EXOC6: variants seen among roughly 807,000 people sequenced by gnomAD.
EXOC6 encodes the protein SEC15-like 1.
EXOC6 carries 60 observed loss-of-function variants against 112.5 expected under a neutral mutation model. The observed-to-expected ratio is 0.53, with a 90% CI of 0.43 to 0.66. The LOEUF (loss-of-function observed/expected upper bound fraction) is 0.66. Ranked by LOEUF, EXOC6 falls within the 30% of genes least tolerant of loss-of-function variation. The probability of loss-of-function intolerance (pLI) is 0.00; values close to 1 mark genes in which losing one functional copy is unlikely to be tolerated. For missense variants in EXOC6, 855 were observed against 957.1 expected (o/e 0.89, Z 1.41); for synonymous variants, 295 against 308.0 (o/e 0.96, Z 0.44).
chr10:93,006,195 A>G (rs1277341388), intron 19 of EXOC6, among the ~76,000 whole-genome samples: 1 of 150,464 alleles, frequency 6.6e-6, no homozygotes, highest in African/African-American at 2.5e-5. Flanking sequence ...TAGCCAAAAA[A>G]GAAAAAAAAA....
chr10:93,017,579 ACT>A (rs889613206), intron 20 of EXOC6, among the ~76,000 whole-genome samples: 1 of 151,980 alleles, frequency 6.6e-6, no homozygotes, highest in African/African-American at 2.4e-5. Flanking sequence ...ACAGAGCAAG[ACT>A]CTGTCTCAAA....
chr10:92,919,950 T>C (rs750482779), intron 7 of EXOC6, 32 bp from the exon 8 acceptor site: 23 of 1,416,474 alleles, frequency 1.6e-5, no homozygotes, highest in Non-Finnish European at 2.1e-5. Flanking sequence ...TAGTTTGACC[T>C]ATAATTTTTT....
At chr10:93,038,040 CAAAAA>C (rs1156726278) in intron 20 of EXOC6, among the ~76,000 whole-genome samples, 1 of 26,580 alleles carries the variant, frequency 3.8e-5, no homozygotes, top group Non-Finnish European at 6.8e-5. Context: ...ACTCCGTCTC[CAAAAA>C]AAAAAAAAAA....
intron 20 of EXOC6, among the ~76,000 whole-genome samples, chr10:93,037,264 G>A (rs943939431): frequency 5.3e-5 from 8 of 150,592 alleles, no homozygotes; most frequent in South Asian, 2.1e-4. Context: ...CTCAGCCTCC[G>A]GAGTAGCTGG....
At chr10:92,926,741 C>T (rs951811760) in intron 8 of EXOC6, among the ~76,000 whole-genome samples, 1 of 152,034 alleles carries the variant, frequency 6.6e-6, no homozygotes, top group African/African-American at 2.4e-5. Context: ...ACCACGTTGC[C>T]CAGGCTGGTC....
chr10:92,864,263 A>T (rs868726315), intron 1 of EXOC6, among the ~76,000 whole-genome samples: 1 of 152,244 alleles, frequency 6.6e-6, no homozygotes, highest in Non-Finnish European at 1.5e-5. Context: ...GCCCAACAAG[A>T]TTAAGCAAAT....
chr10:92,858,158 T>C (rs1847719340), intron 1 of EXOC6, among the ~76,000 whole-genome samples: 1 of 152,148 alleles, frequency 6.6e-6, no homozygotes. Flanking sequence ...TTTTCAGGAT[T>C]TTCCGTTTGT....
At chr10:92,855,165 A>G (rs142480313) in intron 1 of EXOC6, among the ~76,000 whole-genome samples, 315 of 151,982 alleles carry the variant, frequency 2.1e-3, no homozygotes, top group African/African-American at 7.3e-3. Flanking sequence ...CAGTCCTCCT[A>G]CCTTAGCCTC....
intron 13 of EXOC6, among the ~76,000 whole-genome samples, chr10:92,944,491 C>G (rs1197142154): frequency 6.6e-6 from 1 of 152,164 alleles, no homozygotes. Flanking sequence ...CTGCCTTGGC[C>G]TCCCAAAGTG....
upstream of EXOC6, among the ~76,000 whole-genome samples, chr10:92,845,809 G>A (rs959509719): frequency 4.6e-5 from 7 of 151,610 alleles, no homozygotes; most frequent in Non-Finnish European, 8.8e-5. Context: ...GTGGTGGCAC[G>A]TGCCTGTAAT....
chr10:92,891,500 T>A (rs1251552349), intron 1 of EXOC6, among the ~76,000 whole-genome samples: 1 of 152,192 alleles, frequency 6.6e-6, no homozygotes, highest in Non-Finnish European at 1.5e-5. Context: ...TTTTCTTTTT[T>A]AGACGGAGTT....
intron 18 of EXOC6, among the ~76,000 whole-genome samples, chr10:92,975,174 T>G (rs926054763): frequency 5.4e-5 from 8 of 149,038 alleles, no homozygotes; most frequent in African/African-American, 2.0e-4. Flanking sequence ...CGTCTCTGCC[T>G]GGCCGCCCAT....
intron 20 of EXOC6, among the ~76,000 whole-genome samples, chr10:93,043,366 G>T (rs758695935): frequency 3.3e-5 from 5 of 152,140 alleles, no homozygotes; most frequent in Non-Finnish European, 5.9e-5. Context: ...AATATTTTAT[G>T]AATTTACTTT....
chr10:93,011,985 G>T (rs1318837126), intron 19 of EXOC6, among the ~76,000 whole-genome samples: 4 of 152,126 alleles, frequency 2.6e-5, no homozygotes, highest in African/African-American at 9.7e-5. Context: ...AGAAAAAAGG[G>T]GTCTGAGAAT....
At chr10:93,008,412 G>A (rs772096832) in intron 19 of EXOC6, among the ~76,000 whole-genome samples, 12 of 152,086 alleles carry the variant, frequency 7.9e-5, no homozygotes, top group Non-Finnish European at 4.4e-5. Context: ...TACCCTTAAA[G>A]GCATGGCTAA....
chr10:92,928,317 T>G (rs1851834558), intron 8 of EXOC6, 22 bp from the exon 9 acceptor site: 2 of 1,463,380 alleles, frequency 1.4e-6, no homozygotes, highest in African/African-American at 1.4e-5. Flanking sequence ...TATTTTTCAT[T>G]ACTCTGCTGA....
chr10:92,839,867 A>G (rs1846782054), intron 1 of EXOC6, among the ~76,000 whole-genome samples: 1 of 152,126 alleles, frequency 6.6e-6, no homozygotes, highest in African/African-American at 2.4e-5. Context: ...GTGGATGTCT[A>G]AAGAAGGCCC....
At chr10:92,827,085 A>C (rs1456136071) in intron 1 of EXOC6, among the ~76,000 whole-genome samples, 1 of 152,208 alleles carries the variant, frequency 6.6e-6, no homozygotes, top group Non-Finnish European at 1.5e-5. Context: ...TGAATGAATG[A>C]ATAACAGTTT....
At chr10:92,955,968 G>A (rs1473608193) in intron 17 of EXOC6, among the ~76,000 whole-genome samples, 5 of 152,054 alleles carry the variant, frequency 3.3e-5, no homozygotes, top group African/African-American at 1.2e-4. Flanking sequence ...TTATAGTAGT[G>A]CTGACTAGGT....
Sources: gnomAD v4.1 joint callset for allele counts (sites outside exome capture counted in the v4.1 genomes callset) on GRCh38, gnomAD v4.1.1 for gene constraint, MANE v1.5 for transcripts, NCBI Gene and HGNC (gene_info 2026-07-23, HGNC 2026-07-21) for gene names.